The following DMD variants were observed in gnomAD, a reference collection of about 807,000 sequenced individuals.
The protein encoded by DMD is mutant dystrophin.
DMD carries 63 observed loss-of-function variants against 330.1 expected under a neutral mutation model. That is an observed-to-expected ratio of 0.19 (90% CI 0.16 to 0.24). The LOEUF (loss-of-function observed/expected upper bound fraction) is 0.24. Among genes scored for constraint, DMD ranks in the 10% least tolerant of loss-of-function variants. The pLI is 1.00. For missense variants in DMD, 3,344 were observed against 2,684.1 expected, an observed-to-expected ratio of 1.25 and a Z score of -5.43; for synonymous variants, 1,223 against 959.8, an observed-to-expected ratio of 1.27 and a Z score of -5.07.
At chrX:32,394,916 C>CAAAAAAAAA (rs72234458) in intron 30 of DMD, among the ~76,000 whole-genome samples, 11 of 39,016 alleles carry the variant, frequency 2.8e-4, no homozygotes, top group East Asian at 1.7e-3. Flanking sequence ...AACAAAAAAA[C>CAAAAAAAAA]AAAAAAAAAA....
intron 43 of DMD, among the ~76,000 whole-genome samples, chrX:32,236,831 G>A: frequency 8.9e-6 from 1 of 111,841 alleles, no homozygotes. Flanking sequence ...ATGAGAGTTA[G>A]CATCTATTCA....
At chrX:32,913,378 T>G (rs192071778) in intron 2 of DMD, among the ~76,000 whole-genome samples, 16 of 112,328 alleles carry the variant, frequency 1.4e-4, no homozygotes, top group Admixed American at 1.4e-3. Context: ...AACTGTGAAT[T>G]TAAAGTGGAC....
At chrX:32,716,967 A>G (rs1438941993) in intron 7 of DMD, among the ~76,000 whole-genome samples, 2 of 111,811 alleles carry the variant, frequency 1.8e-5, no homozygotes, top group Non-Finnish European at 3.8e-5. Context: ...TTCTTCTAAC[A>G]GTATACGGTC....
rs60369848 is a variant in DMD, at chrX:33,228,278, A to AGTGTGTGTGT, written c.7+110971_7+110980dup. Among the ~76,000 whole-genome samples, 469 of 93,466 alleles carry AGTGTGTGTGT rather than the reference A, an allele frequency of 5.0e-3. 2 individuals are homozygous for AGTGTGTGTGT. The highest frequency in any genetic ancestry group is 0.014 in the South Asian group (24 of 1,769). The allele number at this position is 93,466 out of a possible 115,157, so 81.2% of individuals were successfully genotyped here. A position where few individuals can be genotyped will look rare whatever the true frequency, so the allele number is the denominator to read the frequency against. On this transcript the variant is annotated intron_variant, in intron 1 of 17. Transcript: ENST00000288447. ...TAATATGTTATTGAACCCAAGTTTAAGTGTGTGTGTGTGTGTGTGTGTGTG... is the reference window on the plus strand; with the variant it reads ...TAATATGTTATTGAACCCAAGTTTAAGTGTGTGTGTGTGTGTGTGTGTGTGTGTGTGTGTG...
At chrX:31,988,398 C>T (rs1182454324) in intron 44 of DMD, among the ~76,000 whole-genome samples, 16 of 97,828 alleles carry the variant, frequency 1.6e-4, no homozygotes, top group Admixed American at 6.0e-4. Context: ...GGCGTGAACC[C>T]GGGCAGTGGA....
chrX:31,400,015 G>T (rs66766865), intron 60 of DMD, among the ~76,000 whole-genome samples: 10,604 of 111,532 alleles, frequency 0.095, 467 homozygotes, highest in East Asian at 0.23. Flanking sequence ...TGCAAAACAG[G>T]TTTGATTGTG....
chrX:32,968,259 T>C (rs1349731301), intron 2 of DMD, among the ~76,000 whole-genome samples: 1 of 111,482 alleles, frequency 9.0e-6, no homozygotes, highest in Non-Finnish European at 1.9e-5. Flanking sequence ...ATTTTTTTTT[T>C]TTTTCTGACA....
At position 31,875,068 on chromosome X, in the gene DMD, C is replaced by T. The variant is rs2093947570; in HGVS notation, c.7098+120G>A. On this transcript the variant is annotated intron_variant, in intron 48 of 78. Coordinates refer to ENST00000357033, the MANE Select transcript of DMD (RefSeq NM_004006.3). ...TTGTGGTTATCCTGAATAAAGTCTT[C>T]CTTACCACACTTTAACAAGTAATAT... The T allele has an allele frequency of 3.5e-5, 23 of 656,890 alleles. No individual in the cohort carries two copies. The South Asian group carries it at 5.9e-4, about 17-fold the overall frequency. 54.1% of individuals were successfully genotyped at this position (656,890 alleles called of 1,213,427 possible).
intron 59 of DMD, among the ~76,000 whole-genome samples, chrX:31,456,035 G>A (rs768178154): frequency 7.3e-4 from 79 of 107,685 alleles, no homozygotes; most frequent in Non-Finnish European, 1.3e-3. Context: ...GATTATAGAT[G>A]CTGGGGCTGA....
chrX:32,191,830 C>A (rs1017646313), intron 44 of DMD, among the ~76,000 whole-genome samples: 2 of 111,737 alleles, frequency 1.8e-5, no homozygotes, highest in Non-Finnish European at 3.8e-5. Flanking sequence ...AAGAAAAACA[C>A]CTATAAATCA....
chrX:31,206,176 A>C (rs1448352039), intron 66 of DMD, among the ~76,000 whole-genome samples: 1 of 112,739 alleles, frequency 8.9e-6, no homozygotes, highest in African/African-American at 3.2e-5. Flanking sequence ...TATAAAATAA[A>C]CAATGTTTCT....
At chrX:32,559,337 TTAAG>T (rs1357953782) in intron 16 of DMD, among the ~76,000 whole-genome samples, 1 of 111,697 alleles carries the variant, frequency 9.0e-6, no homozygotes, top group Non-Finnish European at 1.9e-5. Context: ...TTCTATGACC[TTAAG>T]TAAGAAGGAA....
chrX:32,295,369 G>C (rs2097491371), intron 42 of DMD, among the ~76,000 whole-genome samples: 1 of 112,007 alleles, frequency 8.9e-6, no homozygotes, highest in Non-Finnish European at 1.9e-5. Flanking sequence ...TTTACAACCG[G>C]CAGATGAAAT....
At chrX:32,953,524 T>C (rs186860813) in intron 2 of DMD, among the ~76,000 whole-genome samples, 1 of 112,120 alleles carries the variant, frequency 8.9e-6, no homozygotes, top group Admixed American at 9.5e-5. Context: ...AGTTGAATCA[T>C]TGGCATCAAA....
chrX:32,195,820 G>A lies in DMD; in HGVS notation c.6438+21096C>T, dbSNP rs146877201. On this transcript the variant is annotated intron_variant, in intron 44 of 78. Coordinates refer to ENST00000357033, the MANE Select transcript of DMD (RefSeq NM_004006.3). Reference sequence around the variant, plus strand: ...GTTCCCTCTTTCTATCTGTGCAGTTGTGGGAAATGTGAACTCATAGTTTGT... The same window carrying A: ...GTTCCCTCTTTCTATCTGTGCAGTTATGGGAAATGTGAACTCATAGTTTGT... 8.0e-4 allele frequency among the ~76,000 whole-genome samples: 89 copies of A among 111,459 alleles called. 1 individual carries two copies. In the East Asian group the frequency reaches 0.023, roughly 29 times the overall value.
At chrX:32,373,754 G>T (rs2097889769) in intron 34 of DMD, among the ~76,000 whole-genome samples, 1 of 111,563 alleles carries the variant, frequency 9.0e-6, no homozygotes, top group Non-Finnish European at 1.9e-5. Flanking sequence ...TCCTCTTGGT[G>T]AGAGAGTCTC....
chrX:32,880,007 G>C (rs1385186742), intron 2 of DMD, among the ~76,000 whole-genome samples: 1 of 109,639 alleles, frequency 9.1e-6, no homozygotes, highest in African/African-American at 3.3e-5. Context: ...GCCACCAAAT[G>C]TAACTTTCTA....
chrX:31,508,470 C>T, intron 55 of DMD: 1 of 283,562 alleles, frequency 3.5e-6, no homozygotes, highest in East Asian at 5.8e-5. Flanking sequence ...GAGAGGAGGC[C>T]TGGAATATGC....
chrX:31,268,018 A>T (rs1479932683), intron 62 of DMD, among the ~76,000 whole-genome samples: 1 of 111,646 alleles, frequency 9.0e-6, no homozygotes, highest in Non-Finnish European at 1.9e-5. Flanking sequence ...CGATTGATTC[A>T]TTCCACTTCG....
Sources: gnomAD v4.1 joint callset for allele counts (sites outside exome capture counted in the v4.1 genomes callset) on GRCh38, gnomAD v4.1.1 for gene constraint, MANE v1.5 for transcripts, NCBI Gene and HGNC (gene_info 2026-07-23, HGNC 2026-07-21) for gene names.